Variants in EYA4 observed in about 807,000 individuals in gnomAD.
The protein encoded by EYA4 is EYA transcriptional coactivator and phosphatase 4, also known as protein phosphatase EYA4.
A neutral mutation model predicts 87.9 loss-of-function variants in EYA4; 31 were observed. That is an observed-to-expected ratio of 0.35 (90% CI 0.27 to 0.48). The LOEUF (loss-of-function observed/expected upper bound fraction) is 0.48, where lower values mean the gene tolerates loss of function less well. EYA4 is among the 20% of genes least tolerant of loss of function. The probability of loss-of-function intolerance (pLI) is 0.99; values close to 1 mark genes in which losing one functional copy is unlikely to be tolerated. For synonymous variants in EYA4, 263 were observed against 270.6 expected (o/e 0.97, Z 0.28); for missense variants, 678 against 761.4 (o/e 0.89, Z 1.29).
At chr6:133,321,356 T>G in intron 2 of EYA4, among the ~76,000 whole-genome samples, 1 of 152,118 alleles carries the variant, frequency 6.6e-6, no homozygotes, top group East Asian at 1.9e-4. Flanking sequence ...TTATGTGCAG[T>G]CCCCTTTTCT....
chr6:133,294,023 T>TTTTA (rs1436598260), intron 2 of EYA4, among the ~76,000 whole-genome samples: 1 of 78,780 alleles, frequency 1.3e-5, no homozygotes, highest in African/African-American at 5.2e-5. Flanking sequence ...TAGGGTGATT[T>TTTTA]TATATATATA....
chr6:133,494,699 T>C (rs1430654459), intron 13 of EYA4, among the ~76,000 whole-genome samples: 1 of 151,602 alleles, frequency 6.6e-6, no homozygotes, highest in Non-Finnish European at 1.5e-5. Flanking sequence ...TGTTTTTTTT[T>C]TAATTAGCTG....
chr6:133,457,771 C>A (rs3777864), intron 6 of EYA4, among the ~76,000 whole-genome samples: 4 of 152,000 alleles, frequency 2.6e-5, no homozygotes, highest in Non-Finnish European at 5.9e-5. Context: ...GCACACTTAC[C>A]ATAGCTTTTG....
chr6:133,531,219 C>G lies in EYA4; in HGVS notation c.*2414C>G. The G allele has an allele frequency of 2.6e-6, 4 of 1,534,624 alleles. 1 individual carries two copies. In the South Asian group the frequency reaches 4.8e-5, roughly 18 times the overall value. On this transcript the variant is annotated 3_prime_UTR_variant, in exon 20 of 20. Coordinates refer to ENST00000355286, the MANE Select transcript of EYA4 (RefSeq NM_004100.5). ...TGATTCTGTGTTCAGAAGAGGCTGC[C>G]GGCATAAAACCTAAATGCAAGGTTG...
chr6:133,244,054 C>T (rs1774202653), intron 1 of EYA4, among the ~76,000 whole-genome samples: 1 of 152,164 alleles, frequency 6.6e-6, no homozygotes, highest in Non-Finnish European at 1.5e-5. Context: ...CCTTTGACAG[C>T]TACAGCTTTG....
chr6:133,318,414 C>A (rs17062336), intron 2 of EYA4, among the ~76,000 whole-genome samples: 2,178 of 152,214 alleles, frequency 0.014, 55 homozygotes, highest in African/African-American at 0.049. Context: ...TGTGATTTGC[C>A]GGTGGAGGTA....
At chr6:133,511,296 T>A (rs1440350201) in intron 14 of EYA4, among the ~76,000 whole-genome samples, 1 of 152,100 alleles carries the variant, frequency 6.6e-6, no homozygotes, top group Non-Finnish European at 1.5e-5. Flanking sequence ...TTGTTTAGTA[T>A]GGTGTATTTT....
At chr6:133,261,318 G>A (rs56165097) in intron 1 of EYA4, among the ~76,000 whole-genome samples, 262 of 152,266 alleles carry the variant, frequency 1.7e-3, no homozygotes, top group Middle Eastern at 3.4e-3. Context: ...TCAAAATATT[G>A]TAATAACCAA....
intron 3 of EYA4, among the ~76,000 whole-genome samples, chr6:133,397,777 C>CAAAA (rs1456096187): frequency 1.4e-4 from 22 of 152,256 alleles, no homozygotes; most frequent in African/African-American, 5.1e-4. Flanking sequence ...TGGCGGAAGG[C>CAAAA]AAAAGGCATG....
chr6:133,473,793 G>A (rs1198980609), intron 11 of EYA4, among the ~76,000 whole-genome samples: 1 of 151,934 alleles, frequency 6.6e-6, no homozygotes, highest in Non-Finnish European at 1.5e-5. Context: ...GCCAGGATTA[G>A]GGTGAGGTCA....
chr6:133,291,458 A>T (rs139112113), intron 2 of EYA4, among the ~76,000 whole-genome samples: 40 of 152,320 alleles, frequency 2.6e-4, no homozygotes, highest in African/African-American at 9.4e-4. Flanking sequence ...TTTTTTAAAT[A>T]AACATCTTTG....
chr6:133,260,295 T>C (rs1775692952), intron 1 of EYA4, among the ~76,000 whole-genome samples: 1 of 152,180 alleles, frequency 6.6e-6, no homozygotes, highest in Non-Finnish European at 1.5e-5. Context: ...TGGAGTGCAG[T>C]GGCACGATCT....
At chr6:133,290,018 C>T (rs1354168178) in intron 2 of EYA4, among the ~76,000 whole-genome samples, 1 of 152,164 alleles carries the variant, frequency 6.6e-6, no homozygotes, top group Admixed American at 6.6e-5. Context: ...CACACGTGGA[C>T]AGTAGATTAT....
At chr6:133,475,857 TC>T (rs1795679247) in intron 11 of EYA4, among the ~76,000 whole-genome samples, 1 of 152,118 alleles carries the variant, frequency 6.6e-6, no homozygotes, top group South Asian at 2.1e-4. Flanking sequence ...GGAATAGAGG[TC>T]AGTACAATTC....
At chr6:133,296,114 T>C (rs1778926079) in intron 2 of EYA4, among the ~76,000 whole-genome samples, 1 of 152,130 alleles carries the variant, frequency 6.6e-6, no homozygotes, top group Admixed American at 6.5e-5. Flanking sequence ...CTTATGGGAA[T>C]ACATGAGGAA....
chr6:133,402,911 C>T (rs552302141), intron 3 of EYA4, among the ~76,000 whole-genome samples: 4 of 152,122 alleles, frequency 2.6e-5, no homozygotes, highest in African/African-American at 9.7e-5. Context: ...CTGATGTTTC[C>T]ATGAATTGTG....
intron 6 of EYA4, among the ~76,000 whole-genome samples, chr6:133,459,815 T>G (rs1794220885): frequency 6.6e-6 from 1 of 152,108 alleles, no homozygotes; most frequent in Admixed American, 6.6e-5. Context: ...TCAGTTAAAT[T>G]CTGGTTGCTG....
chr6:133,482,997 T>C lies in EYA4; in HGVS notation c.1108-35T>C, dbSNP rs775177380. 4.5e-6 allele frequency: 7 copies of C among 1,554,776 alleles called. No homozygotes were observed. The East Asian group carries it at 1.6e-4, about 35-fold the overall frequency. On this transcript the variant is annotated intron_variant, in intron 12 of 19. Transcript: ENST00000355286. ...TAAAGAGATTTCTGTTTCCTTGGAC[T>C]TTTTAATTTTCTGATATTTATTTTT...
At chr6:133,437,876 CAT>C (rs1279416232) in intron 3 of EYA4, among the ~76,000 whole-genome samples, 1 of 152,154 alleles carries the variant, frequency 6.6e-6, no homozygotes, top group Non-Finnish European at 1.5e-5. Context: ...TCTCCCTTGA[CAT>C]GTGGGGATTA....
Sources: gnomAD v4.1 joint callset for allele counts (sites outside exome capture counted in the v4.1 genomes callset) on GRCh38, gnomAD v4.1.1 for gene constraint, MANE v1.5 for transcripts, NCBI Gene and HGNC (gene_info 2026-07-23, HGNC 2026-07-21) for gene names.